The following PXK variants were observed in gnomAD, a reference collection of about 807,000 sequenced individuals.
PXK encodes PX domain containing serine/threonine kinase like.
Under a neutral mutation model 84.7 loss-of-function variants are expected in PXK, and 35 were observed. That is an observed-to-expected ratio of 0.41 (90% CI 0.32 to 0.55). The LOEUF (loss-of-function observed/expected upper bound fraction) is 0.55. Ranked by LOEUF, PXK falls within the 20% of genes least tolerant of loss-of-function variation. PXK has a pLI of 0.21. For synonymous variants in PXK, 253 were observed against 260.8 expected (o/e 0.97, Z 0.29); for missense variants, 634 against 699.7 (o/e 0.91, Z 1.06).
At chr3:58,424,549 G>C (rs2062531612) in intron 17 of PXK, among the ~76,000 whole-genome samples, 1 of 152,188 alleles carries the variant, frequency 6.6e-6, no homozygotes, top group Non-Finnish European at 1.5e-5. Flanking sequence ...ACTATTGTTT[G>C]AGAAACATGG....
intron 1 of PXK, among the ~76,000 whole-genome samples, chr3:58,345,316 A>G (rs1303364997): frequency 1.3e-5 from 2 of 152,154 alleles, no homozygotes; most frequent in East Asian, 1.9e-4. Flanking sequence ...TTTCATAGTA[A>G]TAGGGAATGG....
rs762419518 is a variant in PXK, at chr3:58,390,556, A to G, written c.389-26A>G. 1.9e-5 allele frequency: 30 copies of G among 1,592,196 alleles called. No homozygotes were observed. Among genetic ancestry groups the G allele is most frequent in the Non-Finnish European group, 3.4e-6 (4 of 1,161,868 alleles). Reference sequence around the variant, plus strand: ...TGGCCCTTTCCTGATATGTCTGACTAATGGGTTTCTAAAATGTCTTTGCAG... The same window carrying G: ...TGGCCCTTTCCTGATATGTCTGACTGATGGGTTTCTAAAATGTCTTTGCAG... On this transcript the variant is annotated intron_variant, in intron 4 of 17. Coordinates refer to ENST00000356151, the MANE Select transcript of PXK (RefSeq NM_017771.5). This position sits in a 1 kb window ranked among gnomAD's most constrained non-coding sequence, Gnocchi z 4.2.
Position 58,409,465 on chromosome 3 carries a change from T to C in PXK, c.1309-67T>C. 1 of 1,422,116 alleles carries C rather than the reference T, an allele frequency of 7.0e-7. No homozygotes were observed. The highest frequency in any genetic ancestry group is 2.3e-5 in the East Asian group (1 of 43,724). 88.1% of individuals were successfully genotyped at this position (1,422,116 alleles called of 1,614,324 possible). On this transcript the variant is annotated intron_variant, in intron 14 of 17. Coordinates refer to ENST00000356151, the MANE Select transcript of PXK (RefSeq NM_017771.5). The surrounding 1 kb of genome is among the most constrained non-coding windows in gnomAD (Gnocchi z 4.2). Reference sequence around the variant, plus strand: ...ATAAAATGTGGTTTGCCAAAACATGTTGGAGAAGATTTTCATTAGGAAGCT... The same window carrying C: ...ATAAAATGTGGTTTGCCAAAACATGCTGGAGAAGATTTTCATTAGGAAGCT...
intron 2 of PXK, among the ~76,000 whole-genome samples, chr3:58,368,746 C>T (rs2098318172): frequency 6.6e-6 from 1 of 152,226 alleles, no homozygotes; most frequent in African/African-American, 2.4e-5. Context: ...CTTTTCTGCA[C>T]ATTAACATGT....
chr3:58,403,224 C>T (rs915418346), intron 12 of PXK, among the ~76,000 whole-genome samples: 1 of 151,682 alleles, frequency 6.6e-6, no homozygotes, highest in Non-Finnish European at 1.5e-5. Context: ...ACTCTGGTCT[C>T]GAAACCCTGA....
rs1385530125 is a variant in PXK, at chr3:58,333,219, C to G, written c.102+129C>G. ...GGGCCACAGGGTGGGCGGCCCTGGC[C>G]GAGAAGGCTGTGGCGCGCCGCTGGG... On this transcript the variant is annotated intron_variant, in intron 1 of 17. Coordinates refer to ENST00000356151, the MANE Select transcript of PXK (RefSeq NM_017771.5). The surrounding 1 kb of genome is among the most constrained non-coding windows in gnomAD (Gnocchi z 5.4). 2 of 477,368 alleles carry G rather than the reference C, an allele frequency of 4.2e-6. No individual in the cohort carries two copies. Among genetic ancestry groups the G allele is most frequent in the Non-Finnish European group, 2.8e-6 (1 of 361,758 alleles). The allele number at this position is 477,368 out of a possible 1,614,324, so 29.6% of individuals were successfully genotyped here.
chr3:58,339,102 G>A (rs371177997), intron 1 of PXK, among the ~76,000 whole-genome samples: 35 of 152,262 alleles, frequency 2.3e-4, no homozygotes, highest in African/African-American at 6.7e-4. Flanking sequence ...GGACGCAGTC[G>A]GAAAACCCTG....
rs1279016608 is a variant in PXK, at chr3:58,385,519, G to C, written c.388+2819G>C. On this transcript the variant is annotated intron_variant, in intron 4 of 17. Coordinates refer to ENST00000356151, the MANE Select transcript of PXK (RefSeq NM_017771.5). This position sits in a 1 kb window ranked among gnomAD's most constrained non-coding sequence, Gnocchi z 5.1. ...GCCGCTTTCCCTGTTTGTTTTTTGA[G>C]CAAGGGTCTCACTCTGTTGCCCAGG... 1.3e-5 allele frequency among the ~76,000 whole-genome samples: 2 copies of C among 152,250 alleles called. No individual in the cohort carries two copies. The highest frequency in any genetic ancestry group is 2.9e-5 in the Non-Finnish European group (2 of 68,008).
intron 1 of PXK, among the ~76,000 whole-genome samples, chr3:58,341,381 G>A (rs1363754039): frequency 6.6e-6 from 1 of 152,046 alleles, no homozygotes; most frequent in African/African-American, 2.4e-5. Context: ...GGCCAACATG[G>A]GGAAACCCTG....
intron 1 of PXK, among the ~76,000 whole-genome samples, chr3:58,365,319 T>C (rs1217640468): frequency 6.6e-6 from 1 of 152,198 alleles, no homozygotes; most frequent in Non-Finnish European, 1.5e-5. Flanking sequence ...TTGTGGAGAT[T>C]TTCCTGTTAC....
intron 1 of PXK, among the ~76,000 whole-genome samples, chr3:58,343,718 C>T (rs2097772764): frequency 6.6e-6 from 1 of 152,162 alleles, no homozygotes; most frequent in Non-Finnish European, 1.5e-5. Flanking sequence ...TGGGTTGATT[C>T]AATTTCAAAC....
chr3:58,396,190 A>G (rs1362978707), intron 9 of PXK, among the ~76,000 whole-genome samples: 1 of 152,208 alleles, frequency 6.6e-6, no homozygotes, highest in African/African-American at 2.4e-5. Context: ...CAACCTTATC[A>G]GTAATAACCA....
Position 58,409,588 on chromosome 3 carries a change from A to T in PXK, c.1365A>T (p.Glu455Asp), listed in dbSNP as rs2059889450. Residue 455 changes from glutamate (E) to aspartate (D), a missense_variant, in exon 15 of 18, where the codon GAA becomes GAT. Physicochemically the swap from Glu to Asp is conservative, Grantham distance 45. Coordinates refer to ENST00000356151, the MANE Select transcript of PXK (RefSeq NM_017771.5). The surrounding 1 kb of genome is among the most constrained non-coding windows in gnomAD (Gnocchi z 4.2). ...RAQSHHGSEE[E>D]RKKRKILARK... ...AGTCCCACCATGGATCTGAGGAGGA[A>T]AGAAAAAAAAGAAAGATTTTAGCTC... 15 of 1,612,888 alleles carry T rather than the reference A, an allele frequency of 9.3e-6. No individual in the cohort carries two copies. Among genetic ancestry groups the T allele is most frequent in the Non-Finnish European group, 1.3e-5 (15 of 1,179,716 alleles).
chr3:58,376,030 A>G lies in PXK; in HGVS notation c.202-6484A>G, dbSNP rs6774591. Among the ~76,000 whole-genome samples the G allele has an allele frequency of 1.9e-3, 287 of 152,272 alleles. 6 individuals carry two copies. In the East Asian group the frequency reaches 0.038, roughly 20 times the overall value. ...TTATATATAGGTAATATTTATTTCA[A>G]TGTTTATTATTAGACATGTTTTAGG... On this transcript the variant is annotated intron_variant, in intron 3 of 17. Transcript: ENST00000356151.
In PXK at chr3:58,410,156, T is replaced by C; in HGVS notation, c.1462T>C (p.Ser488Pro). The change falls in exon 16 of 18, where the codon TCA (serine) becomes CCA (proline). Residue 488 changes from serine to proline, a missense_variant. Transcript: ENST00000356151. ...HSAKYSNSNN[S>P]AGSGASSPLT... is the part of the protein sequence containing the mutation. Reference sequence around the variant, plus strand: ...AGCGAAGTACAGCAACTCCAATAATTCAGGTAACTGGTTATAGATGGTAGT... The same window carrying C: ...AGCGAAGTACAGCAACTCCAATAATCCAGGTAACTGGTTATAGATGGTAGT... 1 of 1,583,568 alleles carries C rather than the reference T, an allele frequency of 6.3e-7. No individual in the cohort carries two copies. Among genetic ancestry groups the C allele is most frequent in the Non-Finnish European group, 8.7e-7 (1 of 1,152,022 alleles).
Position 58,395,035 on chromosome 3 carries a change from A to G in PXK, c.653A>G (p.Asn218Ser). The G allele has an allele frequency of 6.2e-7, 1 of 1,613,784 alleles. No individual in the cohort carries two copies. Among genetic ancestry groups the G allele is most frequent in the Non-Finnish European group, 8.5e-7 (1 of 1,179,678 alleles). Reference sequence around the variant, plus strand: ...TATCGGGTTACCTTTGCCACAGCTAATGAATCCTCAGCGTTGCTAATTAGG... The same window carrying G: ...TATCGGGTTACCTTTGCCACAGCTAGTGAATCCTCAGCGTTGCTAATTAGG... ...YIYRVTFATA[N>S]ESSALLIRMF... The change falls in exon 8 of 18, where the codon AAT (asparagine) becomes AGT (serine). Residue 218 changes from asparagine to serine, a missense_variant. This residue lies in a region of PXK where 353 missense variants were observed against 385.2 expected (regional missense o/e 0.92). Coordinates refer to ENST00000356151, the MANE Select transcript of PXK (RefSeq NM_017771.5).
intron 12 of PXK, among the ~76,000 whole-genome samples, chr3:58,402,445 T>C (rs573752515): frequency 6.6e-6 from 1 of 151,636 alleles, no homozygotes; most frequent in Non-Finnish European, 1.5e-5. Flanking sequence ...CTTTTTTTTT[T>C]TTTAGATAGA....
intron 1 of PXK, among the ~76,000 whole-genome samples, chr3:58,355,648 A>C (rs1409212740): frequency 6.6e-6 from 1 of 152,188 alleles, no homozygotes; most frequent in African/African-American, 2.4e-5. Context: ...ACAAATTGCA[A>C]ATGGGGATGC....
chr3:58,417,007 T>C (rs2061070351), intron 17 of PXK, among the ~76,000 whole-genome samples: 1 of 152,152 alleles, frequency 6.6e-6, no homozygotes, highest in South Asian at 2.1e-4. Context: ...TGGGCTCAAG[T>C]GATCCTCCTG....
Sources: gnomAD v4.1 joint callset for allele counts (sites outside exome capture counted in the v4.1 genomes callset) on GRCh38, gnomAD v4.1.1 for gene constraint, gnomAD v4.1.1 regional missense constraint, Gnocchi (gnomAD v3.1) non-coding constraint, MANE v1.5 for transcripts, NCBI Gene and HGNC (gene_info 2026-07-23, HGNC 2026-07-21) for gene names.